Variants in SMG5 observed in about 807,000 individuals in gnomAD.
The protein encoded by SMG5 is SMG5 nonsense mediated mRNA decay factor.
A neutral mutation model predicts 122.9 loss-of-function variants in SMG5; 53 were observed. That is an observed-to-expected ratio of 0.43 (90% CI 0.35 to 0.54). The LOEUF is 0.54. Ranked by LOEUF, SMG5 falls within the 20% of genes least tolerant of loss-of-function variation. The probability of loss-of-function intolerance (pLI) is 0.01; values close to 1 mark genes in which losing one functional copy is unlikely to be tolerated. For missense variants in SMG5, 1,153 were observed against 1,285.6 expected, an observed-to-expected ratio of 0.90 and a Z score of 1.58; for synonymous variants, 477 against 490.2, an observed-to-expected ratio of 0.97 and a Z score of 0.35.
chr1:156,271,390 A>G (rs1001065838), intron 7 of SMG5, among the ~76,000 whole-genome samples: 1 of 152,106 alleles, frequency 6.6e-6, no homozygotes, highest in Non-Finnish European at 1.5e-5. Context: ...CAACTTTAGC[A>G]CTGATTAGGT....
intron 3 of SMG5, 51 bp downstream of exon 3, chr1:156,277,874 C>CTG: frequency 6.2e-7 from 1 of 1,607,036 alleles, no homozygotes; most frequent in South Asian, 1.1e-5. Context: ...ACTTTCCTAG[C>CTG]TGTCTCTTCC....
chr1:156,286,362 C>T (rs373187204), upstream of SMG5: 26 of 1,614,064 alleles, frequency 1.6e-5, 1 homozygote, highest in East Asian at 6.7e-5. Context: ...GTGGCCCAGT[C>T]GGTCCAGCTC....
intron 16 of SMG5, 141 bp downstream of exon 16, chr1:156,258,864 T>C: frequency 1.0e-6 from 1 of 981,212 alleles, no homozygotes; most frequent in Non-Finnish European, 1.4e-6. Context: ...CAGGCCTCCC[T>C]CCCAGCCTCC....
intron 4 of SMG5, among the ~76,000 whole-genome samples, chr1:156,275,674 A>C (rs142892505): frequency 6.6e-6 from 1 of 152,218 alleles, no homozygotes; most frequent in Non-Finnish European, 1.5e-5. Context: ...TGGAGAAAAC[A>C]TCAGTGAACA....
At chr1:156,272,120 G>GC (rs1246276817) in intron 7 of SMG5, among the ~76,000 whole-genome samples, 200 bp downstream of exon 7, 1 of 152,162 alleles carries the variant, frequency 6.6e-6, no homozygotes, top group Admixed American at 6.5e-5. Context: ...TATTTTAGCT[G>GC]CCCAAGTGCC....
At chr1:156,259,244 C>T (rs1422954692) in intron 15 of SMG5, 81 bp from the exon 16 acceptor site, 2 of 1,393,308 alleles carry the variant, frequency 1.4e-6, no homozygotes, top group Non-Finnish European at 1.9e-6. Flanking sequence ...TCCACTCCCA[C>T]CCTCCCACCT....
chr1:156,274,720 A>G, intron 4 of SMG5, 34 bp from the exon 5 acceptor site: 1 of 1,569,382 alleles, frequency 6.4e-7, no homozygotes, highest in South Asian at 1.1e-5. Context: ...TTGTAGGCCC[A>G]TTCTTCTGCC....
chr1:156,273,777 A>G (rs1446281653), intron 5 of SMG5, among the ~76,000 whole-genome samples: 3 of 140,662 alleles, frequency 2.1e-5, no homozygotes, highest in Non-Finnish European at 4.5e-5. Flanking sequence ...CTGGTCTCCA[A>G]CTCCTGGGTT....
chr1:156,285,377 T>C (rs1663119979), upstream of SMG5: 3 of 1,582,352 alleles, frequency 1.9e-6, no homozygotes, highest in Non-Finnish European at 2.6e-6. Context: ...CAGAGTGGGG[T>C]CTTCAGCTGG....
intron 7 of SMG5, among the ~76,000 whole-genome samples, chr1:156,270,696 A>G (rs879653702): frequency 2.6e-5 from 4 of 152,200 alleles, no homozygotes; most frequent in Admixed American, 2.6e-4. Flanking sequence ...GGTCATTCTC[A>G]GGAAGGCATT....
rs185472177 is a variant in SMG5, at chr1:156,249,560, G to A, written c.*1027C>T. 2.4e-5 allele frequency: 9 copies of A among 372,562 alleles called. No homozygotes were observed. The highest frequency in any genetic ancestry group is 1.5e-4 in the Admixed American group (4 of 27,030). The allele number at this position is 372,562 out of a possible 1,614,324, so 23.1% of individuals were successfully genotyped here. Reference sequence around the variant, plus strand: ...GAGCTATTCATGATCTCTGCTCCCAGATATTCACCTCAACACTCCAAAAGC... The same window carrying A: ...GAGCTATTCATGATCTCTGCTCCCAAATATTCACCTCAACACTCCAAAAGC... On this transcript the variant is annotated 3_prime_UTR_variant, in exon 22 of 22. Transcript: ENST00000361813.
At position 156,252,434 on chromosome 1, in the gene SMG5, T is replaced by C. The variant is rs1015131923; in HGVS notation, c.2733A>G (p.Ala911=). 9.3e-6 allele frequency: 15 copies of C among 1,614,046 alleles called. No individual in the cohort carries two copies. In the South Asian group the frequency reaches 1.6e-4, roughly 18 times the overall value. Residue 911 remains alanine (A), a synonymous_variant, in exon 19 of 22, where the codon GCA becomes GCG. Transcript: ENST00000361813. ...CTCACCTGTTTCCTTTTTTAAACTC[T>C]GCCTCCAGGTACCGAATCCCATCCC... The part of the protein sequence containing the change: ...GARDGIRYLE[A]EFKKGNRYIR...
upstream of SMG5, chr1:156,285,360 A>G: frequency 6.3e-7 from 1 of 1,575,164 alleles, no homozygotes; most frequent in Non-Finnish European, 8.6e-7. Context: ...CCGGGAGCTG[A>G]GTCCCTCAGA....
intron 4 of SMG5, among the ~76,000 whole-genome samples, chr1:156,275,184 G>A (rs993526994): frequency 3.4e-4 from 41 of 119,540 alleles, no homozygotes; most frequent in African/African-American, 1.1e-3. Flanking sequence ...ATTTAAAAAA[G>A]AAAAAAAGAA....
Position 156,268,286 on chromosome 1 carries a change from T to G in SMG5, c.839+4A>C. The G allele has an allele frequency of 6.2e-7, 1 of 1,614,162 alleles. No individual in the cohort carries two copies. Among genetic ancestry groups the G allele is most frequent in the Non-Finnish European group, 8.5e-7 (1 of 1,180,006 alleles). On this transcript the variant is annotated splice_donor_region_variant and intron_variant, in intron 8 of 21. Transcript: ENST00000361813. ...AACCCGTCCTCCTCACAGGCCCCAC[T>G]CACCGCTTTTTGCCAGGAGACAGTT...
At chr1:156,253,817 C>T in intron 16 of SMG5, 1 of 413,020 alleles carries the variant, frequency 2.4e-6, no homozygotes, top group Non-Finnish European at 4.6e-6. Flanking sequence ...TCAATCTCTG[C>T]TCTTCTCAAT....
chr1:156,265,932 T>G lies in SMG5; in HGVS notation c.1704A>C (p.Gln568His), dbSNP rs763456886. The change falls in exon 12 of 22, where the codon CAA becomes CAC. Residue 568 changes from glutamine to histidine, a missense_variant. Physicochemically the swap from Gln to His is conservative, Grantham distance 24. This residue lies in a region of SMG5 where 631 missense variants were observed against 650.6 expected (regional missense o/e 0.97). Transcript: ENST00000361813. ...TCTGGAACATCTGGGTGGACATGGCTTGTAGATTGCTGGCAATGCTAGCCT... is the reference window on the plus strand; with the variant it reads ...TCTGGAACATCTGGGTGGACATGGCGTGTAGATTGCTGGCAATGCTAGCCT... The part of the protein sequence containing the change: ...PSEASIASNL[Q>H]AMSTQMFQTK... The G allele has an allele frequency of 6.2e-7, 1 of 1,614,192 alleles. No homozygotes were observed. The highest frequency in any genetic ancestry group is 1.1e-5 in the South Asian group (1 of 91,082).
Position 156,265,766 on chromosome 1 carries a change from A to C in SMG5, c.1855+15T>G. Reference sequence around the variant, plus strand: ...AGGTGCGGACCAGAACAGGATGATGAAGTGGTCCAAATACCTGGCTCTGAA... The same window carrying C: ...AGGTGCGGACCAGAACAGGATGATGCAGTGGTCCAAATACCTGGCTCTGAA... On this transcript the variant is annotated intron_variant, in intron 12 of 21. Transcript: ENST00000361813. The C allele has an allele frequency of 6.2e-7, 1 of 1,609,278 alleles. No individual in the cohort carries two copies. The highest frequency in any genetic ancestry group is 8.5e-7 in the Non-Finnish European group (1 of 1,177,238).
Position 156,268,325 on chromosome 1 carries a change from C to T in SMG5, c.804G>A (p.Lys268=). Residue 268 remains lysine (K), a synonymous_variant, in exon 8 of 22, where the codon AAG becomes AAA. Transcript: ENST00000361813. ...KAAKMYHQLK[K]CETRKLSPGK... is the part of the protein sequence containing the mutation. ...CAGGAGACAGTTTCCGAGTCTCACA[C>T]TTCTTCAGTTGGTGGTACATTTTGG... 2 of 1,614,174 alleles carry T rather than the reference C, an allele frequency of 1.2e-6. No homozygotes were observed. The highest frequency in any genetic ancestry group is 1.7e-6 in the Non-Finnish European group (2 of 1,180,034).
Sources: gnomAD v4.1 joint callset for allele counts (sites outside exome capture counted in the v4.1 genomes callset) on GRCh38, gnomAD v4.1.1 for gene constraint, gnomAD v4.1.1 regional missense constraint, MANE v1.5 for transcripts, NCBI Gene and HGNC (gene_info 2026-07-23, HGNC 2026-07-21) for gene names.